The following ALDH3B1 variants were observed in gnomAD, a reference collection of about 807,000 sequenced individuals.
The protein encoded by ALDH3B1 is aldehyde dehydrogenase 3 family member B1, also known as aldehyde dehydrogenase family 3 member B1.
Under a neutral mutation model 46.2 loss-of-function variants are expected in ALDH3B1, and 37 were observed. The ratio of observed to expected loss-of-function variants is 0.80; its 90% CI spans 0.62 to 1.05. The LOEUF is 1.05. ALDH3B1 is among the 50% of genes least tolerant of loss of function. The pLI is 0.00. For missense variants in ALDH3B1, 603 were observed against 665.5 expected, an observed-to-expected ratio of 0.91 and a Z score of 1.03; for synonymous variants, 283 against 281.0, an observed-to-expected ratio of 1.01 and a Z score of -0.07.
rs774346626 is a variant in ALDH3B1 at position 68,021,731 on chromosome 11, G to A, written c.809G>A (p.Arg270His). ...LLPALQSTITRFYGDDPQSSP... is the reference protein window; with the variant it reads ...LLPALQSTITHFYGDDPQSSP... ...CCTGCCCTGCAGAGCACCATCACCC[G>A]TTTCTATGGCGACGACCCCCAGAGC... Residue 270 changes from arginine (R) to histidine (H), a missense_variant, in exon 7 of 10, where the codon CGT becomes CAT. Physicochemically the swap from Arg to His is conservative, Grantham distance 29. Coordinates refer to ENST00000342456, the MANE Select transcript of ALDH3B1 (RefSeq NM_000694.4). 1.2e-5 allele frequency: 20 copies of A among 1,614,008 alleles called. No homozygotes were observed. Among genetic ancestry groups the A allele is most frequent in the East Asian group, 2.2e-5 (1 of 44,892 alleles).
At chr11:68,012,453 C>T (rs115219197) in intron 1 of ALDH3B1, among the ~76,000 whole-genome samples, 27 of 152,348 alleles carry the variant, frequency 1.8e-4, no homozygotes, top group African/African-American at 3.1e-4. Flanking sequence ...AACTCCCCCC[C>T]ACCCCAGAAG....
chr11:68,018,938 G>C lies in ALDH3B1; in HGVS notation c.394+45G>C, dbSNP rs769045502. 2.6e-6 allele frequency: 4 copies of C among 1,530,132 alleles called. No homozygotes were observed. In the East Asian group the frequency reaches 7.4e-5, roughly 28 times the overall value. The allele number at this position is 1,530,132 out of a possible 1,614,324, so 94.8% of individuals were successfully genotyped here. On this transcript the variant is annotated intron_variant, in intron 4 of 9. Transcript: ENST00000342456. ...CTTCCGGTCACCCTTCTCCGCTCGA[G>C]GCCTCAGGGCCACCCATGGATCCCA...
At position 68,028,137 on chromosome 11, in the gene ALDH3B1, A is replaced by T. The variant is rs536699902; in HGVS notation, c.*198A>T. 1 of 793,828 alleles carries T rather than the reference A, an allele frequency of 1.3e-6. No homozygotes were observed. Among genetic ancestry groups the T allele is most frequent in the Admixed American group, 1.7e-5 (1 of 58,042 alleles). The allele number at this position is 793,828 out of a possible 1,614,324, so 49.2% of individuals were successfully genotyped here. ...CCTCCTCCCTCAGCCGCTCCCAACCATGAGAGCCGAGGTGGGAGGCATGGG... is the reference window on the plus strand; with the variant it reads ...CCTCCTCCCTCAGCCGCTCCCAACCTTGAGAGCCGAGGTGGGAGGCATGGG... On this transcript the variant is annotated 3_prime_UTR_variant, in exon 10 of 10. Coordinates refer to ENST00000342456, the MANE Select transcript of ALDH3B1 (RefSeq NM_000694.4).
Position 68,019,228 on chromosome 11 carries a change from C to T in ALDH3B1, c.453C>T (p.Ala151=), listed in dbSNP as rs372053806. ...EISKNVEKIL[A]EVLPQYVDQS... The stretch of plus-strand genomic sequence containing the variant: ...GCAAGAACGTCGAGAAGATCCTGGC[C>T]GAGGTGCTGCCCCAATACGTGGACC... Residue 151 remains alanine (A), a synonymous_variant, in exon 5 of 10, where the codon GCC becomes GCT. Transcript: ENST00000342456. 2.1e-5 allele frequency: 34 copies of T among 1,613,228 alleles called. 1 individual carries two copies. The highest frequency in any genetic ancestry group is 8.3e-5 in the Admixed American group (5 of 59,912).
intron 8 of ALDH3B1, among the ~76,000 whole-genome samples, chr11:68,023,039 G>C (rs984514507): frequency 6.6e-6 from 1 of 152,148 alleles, no homozygotes; most frequent in African/African-American, 2.4e-5. Flanking sequence ...CCCTGCCTTT[G>C]TCCTTCTTAC....
chr11:68,011,330 T>C (rs1053391782), intron 1 of ALDH3B1, among the ~76,000 whole-genome samples: 1 of 152,200 alleles, frequency 6.6e-6, no homozygotes, highest in Non-Finnish European at 1.5e-5. Flanking sequence ...GGACTGCTTT[T>C]TTCTAAGGGG....
At chr11:68,018,309 A>G in intron 2 of ALDH3B1, 1 of 571,608 alleles carries the variant, frequency 1.7e-6, no homozygotes. Context: ...ACATGGAACG[A>G]CTGCCCCCTG....
At chr11:68,023,284 T>C (rs1590781556) in intron 8 of ALDH3B1, among the ~76,000 whole-genome samples, 1 of 126,978 alleles carries the variant, frequency 7.9e-6, no homozygotes. Flanking sequence ...AGCCAGTTCC[T>C]CGATTCCCTC....
At chr11:68,021,903 T>TGGGCCAAGACCCCTCCTCACTGGAG (rs1279352241) in intron 7 of ALDH3B1, 32 bp downstream of exon 7, 1 of 1,562,568 alleles carries the variant, frequency 6.4e-7, no homozygotes, top group East Asian at 2.2e-5. Flanking sequence ...ACAGCCCACC[T>TGGGCCAAGACCCCTCCTCACTGGAG]GGGCCAAGAC....
chr11:68,028,023 G>A lies in ALDH3B1; in HGVS notation c.*84G>A, dbSNP rs772953072. ...AGACGGGGCCTGGGCTCCCGGGCCC[G>A]AGGAGGAAAAGGATTGCCAAGGCTC... On this transcript the variant is annotated 3_prime_UTR_variant, in exon 10 of 10. Transcript: ENST00000342456. 32 of 1,539,904 alleles carry A rather than the reference G, an allele frequency of 2.1e-5. No homozygotes were observed. Among genetic ancestry groups the A allele is most frequent in the South Asian group, 4.5e-5 (4 of 88,130 alleles).
At chr11:68,022,887 C>G (rs1857539151) in intron 8 of ALDH3B1, 126 bp downstream of exon 8, 3 of 1,351,812 alleles carry the variant, frequency 2.2e-6, no homozygotes, top group African/African-American at 2.9e-5. Context: ...TTGGCTCTGT[C>G]TCTGCCCACT....
chr11:68,013,936 C>T (rs919411080), intron 1 of ALDH3B1, among the ~76,000 whole-genome samples: 1 of 152,230 alleles, frequency 6.6e-6, no homozygotes, highest in Admixed American at 6.5e-5. Flanking sequence ...TGAGGGCTGG[C>T]CTGGGGCTCC....
chr11:68,027,412 C>A (rs1857653676), intron 9 of ALDH3B1, among the ~76,000 whole-genome samples: 1 of 152,172 alleles, frequency 6.6e-6, no homozygotes, highest in African/African-American at 2.4e-5. Context: ...GAGGGAGGTA[C>A]CCTTGTCACC....
chr11:68,019,884 G>A, intron 6 of ALDH3B1, 88 bp downstream of exon 6: 1 of 1,376,392 alleles, frequency 7.3e-7, no homozygotes, highest in Non-Finnish European at 1.0e-6. Context: ...AGTCCACAGG[G>A]AGACTGAATT....
In ALDH3B1 at chr11:68,027,846, C is replaced by G. The variant is rs1857667772; in HGVS notation, c.1314C>G (p.Leu438=). The G allele has an allele frequency of 1.9e-6, 3 of 1,552,976 alleles. No individual in the cohort carries two copies. The highest frequency in any genetic ancestry group is 2.6e-6 in the Non-Finnish European group (3 of 1,149,178). Residue 438 remains leucine (L), a synonymous_variant, in exon 10 of 10, where the codon CTC becomes CTG. Coordinates refer to ENST00000342456, the MANE Select transcript of ALDH3B1 (RefSeq NM_000694.4). ...CLLRSPGMEK[L]NALRYPPQSP... is the part of the protein sequence containing the mutation. ...TGCGCAGCCCGGGGATGGAGAAGCT[C>G]AACGCCCTCCGCTACCCGCCGCAAT... is the stretch of plus-strand genomic sequence containing the variant.
chr11:68,015,820 C>T lies in ALDH3B1; in HGVS notation c.162+361C>T. On this transcript the variant is annotated intron_variant, in intron 2 of 9. Transcript: ENST00000342456. ...GTGGCTCACACCTGTAGTCCCAGCA[C>T]TTTGGGAGGCCGAGGTGGGCGGATC... 6 of 376,742 alleles carry T rather than the reference C, an allele frequency of 1.6e-5. No homozygotes were observed. In the Admixed American group the frequency reaches 2.1e-4, roughly 13 times the overall value. 23.3% of individuals were successfully genotyped at this position (376,742 alleles called of 1,614,324 possible).
intron 8 of ALDH3B1, among the ~76,000 whole-genome samples, chr11:68,023,594 C>T (rs1857555736): frequency 6.6e-6 from 1 of 151,912 alleles, no homozygotes; most frequent in South Asian, 2.1e-4. Flanking sequence ...GATGAGCCAC[C>T]GTGCCCGGCC....
intron 3 of ALDH3B1, 31 bp from the exon 4 acceptor site, chr11:68,018,742 C>A: frequency 6.4e-7 from 1 of 1,550,488 alleles, no homozygotes; most frequent in Non-Finnish European, 8.7e-7. Flanking sequence ...GGGTGCTGAG[C>A]ACTTAATTTC....
intron 1 of ALDH3B1, among the ~76,000 whole-genome samples, chr11:68,014,111 T>G (rs1590771589): frequency 1.3e-5 from 2 of 152,302 alleles, no homozygotes; most frequent in South Asian, 4.1e-4. Context: ...AGCTGGCAGG[T>G]GCCATCATTA....
Sources: gnomAD v4.1 joint callset for allele counts (sites outside exome capture counted in the v4.1 genomes callset) on GRCh38, gnomAD v4.1.1 for gene constraint, MANE v1.5 for transcripts, NCBI Gene and HGNC (gene_info 2026-07-23, HGNC 2026-07-21) for gene names.